Variants in CACNA1E observed in about 807,000 individuals in gnomAD.
The protein encoded by CACNA1E is calcium voltage-gated channel subunit alpha1 E, also known as voltage-dependent R-type calcium channel subunit alpha-1E.
In CACNA1E, 40 loss-of-function variants were observed where a neutral mutation model predicts 259.2. The observed-to-expected ratio is 0.15, with a 90% CI of 0.12 to 0.20. The LOEUF (loss-of-function observed/expected upper bound fraction) is 0.20, where lower values mean the gene tolerates loss of function less well. Ranked by LOEUF, CACNA1E falls within the 10% of genes least tolerant of loss-of-function variation. The probability of loss-of-function intolerance (pLI) is 1.00; values close to 1 mark genes in which losing one functional copy is unlikely to be tolerated. For missense variants in CACNA1E, 1,874 were observed against 3,040.1 expected (o/e 0.62, Z 9.02); for synonymous variants, 1,104 against 1,138.5 (o/e 0.97, Z 0.61).
intron 3 of CACNA1E, among the ~76,000 whole-genome samples, chr1:181,553,348 AT>A (rs913008700): frequency 2.8e-4 from 42 of 152,026 alleles, no homozygotes; most frequent in African/African-American, 9.9e-4. Flanking sequence ...TTGCACATTG[AT>A]TTTGTATTCT....
intron 39 of CACNA1E, 146 bp downstream of exon 39, chr1:181,781,669 AG>A: frequency 1.5e-6 from 1 of 646,474 alleles, no homozygotes; most frequent in Non-Finnish European, 2.8e-6. Context: ...CTGAAGAGTC[AG>A]GAAGGTTCCC....
chr1:181,707,517 A>G (rs1652906744), intron 7 of CACNA1E, among the ~76,000 whole-genome samples: 1 of 152,170 alleles, frequency 6.6e-6, no homozygotes. Context: ...GGGAGGTTAG[A>G]CGGGGGTTTG....
At chr1:181,400,460 G>A (rs1474393001) in intron 1 of CACNA1E, among the ~76,000 whole-genome samples, 1 of 152,042 alleles carries the variant, frequency 6.6e-6, no homozygotes, top group Non-Finnish European at 1.5e-5. Flanking sequence ...AGGGAAGAGG[G>A]CCCTCCTTGT....
chr1:181,767,906 A>G (rs561368500), intron 35 of CACNA1E, among the ~76,000 whole-genome samples: 3 of 152,246 alleles, frequency 2.0e-5, no homozygotes, highest in Non-Finnish European at 4.4e-5. Context: ...TTGAAGAGCC[A>G]AATGAAAGCT....
At chr1:181,487,346 G>T (rs192064352) in intron 1 of CACNA1E, among the ~76,000 whole-genome samples, 3 of 152,130 alleles carry the variant, frequency 2.0e-5, no homozygotes, top group Non-Finnish European at 1.5e-5. Flanking sequence ...GAGGGGGAGG[G>T]TAATCTTATC....
intron 1 of CACNA1E, among the ~76,000 whole-genome samples, chr1:181,492,680 T>C (rs557871605): frequency 2.0e-4 from 30 of 152,270 alleles, no homozygotes; most frequent in Admixed American, 1.9e-3. Flanking sequence ...ACACTGAAAA[T>C]GAACCACCAA....
At chr1:181,778,789 G>A (rs753835426) in intron 38 of CACNA1E, among the ~76,000 whole-genome samples, 1 of 152,152 alleles carries the variant, frequency 6.6e-6, no homozygotes, top group Non-Finnish European at 1.5e-5. Flanking sequence ...CTCCCTGGCT[G>A]CTCTCTGAAC....
At chr1:181,504,208 C>T (rs1335062748) in intron 1 of CACNA1E, among the ~76,000 whole-genome samples, 16 of 152,112 alleles carry the variant, frequency 1.1e-4, no homozygotes, top group Non-Finnish European at 2.9e-5. Flanking sequence ...CCTGTAGGGT[C>T]TGGGGTGAGG....
intron 3 of CACNA1E, among the ~76,000 whole-genome samples, chr1:181,557,381 C>T (rs763925637): frequency 4.6e-5 from 7 of 152,156 alleles, no homozygotes; most frequent in Non-Finnish European, 7.4e-5. Context: ...TGGAAAATGC[C>T]ACCAGGAGCT....
At chr1:181,748,532 A>T (rs1339164675) in intron 25 of CACNA1E, among the ~76,000 whole-genome samples, 1 of 152,150 alleles carries the variant, frequency 6.6e-6, no homozygotes, top group Non-Finnish European at 1.5e-5. Flanking sequence ...CTCCGAGATA[A>T]GGACTTGAGC....
chr1:181,676,114 C>T (rs973755523), intron 7 of CACNA1E, among the ~76,000 whole-genome samples: 1 of 152,070 alleles, frequency 6.6e-6, no homozygotes, highest in African/African-American at 2.4e-5. Flanking sequence ...GGCTCTTCTC[C>T]CCAGCAAAGT....
chr1:181,551,522 G>A (rs1648152700), intron 3 of CACNA1E, among the ~76,000 whole-genome samples: 1 of 152,224 alleles, frequency 6.6e-6, no homozygotes, highest in South Asian at 2.1e-4. Context: ...AGCTCAGCCA[G>A]CTGAAACCTT....
chr1:181,379,579 G>A (rs1396136330), intron 1 of CACNA1E, among the ~76,000 whole-genome samples: 2 of 152,288 alleles, frequency 1.3e-5, no homozygotes, highest in East Asian at 3.9e-4. Flanking sequence ...GGTGTCTGGT[G>A]AGGTCTCACT....
At chr1:181,773,500 A>G (rs1659706176) in intron 37 of CACNA1E, among the ~76,000 whole-genome samples, 1 of 152,376 alleles carries the variant, frequency 6.6e-6, no homozygotes, top group South Asian at 2.1e-4. Flanking sequence ...AATATACAAC[A>G]GTATCTTATT....
At chr1:181,682,505 A>C (rs1413990462) in intron 7 of CACNA1E, among the ~76,000 whole-genome samples, 1 of 151,556 alleles carries the variant, frequency 6.6e-6, no homozygotes, top group African/African-American at 2.4e-5. Context: ...AGCAAATCCC[A>C]CCCTCCAGCC....
At chr1:181,678,186 G>T (rs1343223688) in intron 7 of CACNA1E, among the ~76,000 whole-genome samples, 1 of 152,218 alleles carries the variant, frequency 6.6e-6, no homozygotes, top group Non-Finnish European at 1.5e-5. Flanking sequence ...CCCTCTGCCA[G>T]CCACTCTGAA....
At position 181,800,449 on chromosome 1, in the gene CACNA1E, C is replaced by G. The variant is rs1473977887; in HGVS notation, c.*1615C>G. ...AAGCCAGTGCTCTTTTGGTATATGG[C>G]ATACAGCTCCATTGGAGGGGACACA... On this transcript the variant is annotated 3_prime_UTR_variant, in exon 48 of 48. Transcript: ENST00000367573. The G allele has an allele frequency of 6.6e-6, 1 of 152,664 alleles. No homozygotes were observed. Among genetic ancestry groups the G allele is most frequent in the Admixed American group, 6.5e-5 (1 of 15,282 alleles). The allele number at this position is 152,664 out of a possible 1,614,324, so 9.5% of individuals were successfully genotyped here.
At chr1:181,751,995 T>C (rs550398526) in intron 26 of CACNA1E, 148 bp from the exon 27 acceptor site, 1 of 714,716 alleles carries the variant, frequency 1.4e-6, no homozygotes, top group Admixed American at 2.0e-5. Context: ...GTCCCTGGAG[T>C]CAAATCTGAC....
chr1:181,657,353 T>C (rs1659288708), intron 7 of CACNA1E, among the ~76,000 whole-genome samples: 1 of 151,990 alleles, frequency 6.6e-6, no homozygotes, highest in Non-Finnish European at 1.5e-5. Context: ...TTAGGCAATA[T>C]CTAAAATGGA....
Sources: gnomAD v4.1 joint callset for allele counts (sites outside exome capture counted in the v4.1 genomes callset) on GRCh38, gnomAD v4.1.1 for gene constraint, MANE v1.5 for transcripts, NCBI Gene and HGNC (gene_info 2026-07-23, HGNC 2026-07-21) for gene names.